ACOT7: variants seen among roughly 807,000 people sequenced by gnomAD.
ACOT7 encodes acyl-CoA thioesterase 7, also known as cytosolic acyl coenzyme A thioester hydrolase.
In ACOT7, 12 loss-of-function variants were observed where a neutral mutation model predicts 40.2. That is an observed-to-expected ratio of 0.30 (90% CI 0.19 to 0.48). The LOEUF is 0.48. Ranked by LOEUF, ACOT7 falls within the 20% of genes least tolerant of loss-of-function variation. The pLI is 0.99. For synonymous variants in ACOT7, 228 were observed against 219.5 expected (o/e 1.04, Z -0.34); for missense variants, 395 against 530.8 (o/e 0.74, Z 2.51).
At chr1:6,305,925 G>A (rs1420149667) in intron 6 of ACOT7, among the ~76,000 whole-genome samples, 12 of 152,148 alleles carry the variant, frequency 7.9e-5, no homozygotes, top group South Asian at 4.1e-4. Flanking sequence ...ACGAGACTCC[G>A]TCTGCAATCC....
At chr1:6,363,513 CCTGCACACCTGGCTCTGCCTTT>C (rs1474301361) in intron 1 of ACOT7, among the ~76,000 whole-genome samples, 1 of 152,156 alleles carries the variant, frequency 6.6e-6, no homozygotes, top group Admixed American at 6.5e-5. Context: ...CATGTTCCAT[CCTGCACACCTGGCTCTGCCTTT>C]TAGATAACAG....
chr1:6,292,991 GC>G (rs1639715821), intron 7 of ACOT7, among the ~76,000 whole-genome samples: 2 of 148,906 alleles, frequency 1.3e-5, no homozygotes, highest in East Asian at 4.0e-4. Flanking sequence ...CCAGGTTCAC[GC>G]CATTCTCCTA....
In ACOT7 at chr1:6,282,286, G is replaced by A. The variant is rs529508165; in HGVS notation, c.830-1000C>T. Among the ~76,000 whole-genome samples, 4 of 152,264 alleles carry A rather than the reference G, an allele frequency of 2.6e-5. No homozygotes were observed. The highest frequency in any genetic ancestry group is 2.1e-4 in the South Asian group (1 of 4,828). On this transcript the variant is annotated intron_variant, in intron 7 of 8. Coordinates refer to ENST00000361521, the MANE Select transcript of ACOT7 (RefSeq NM_007274.4). This position sits in a 1 kb window ranked among gnomAD's most constrained non-coding sequence, Gnocchi z 4.5. ...GACACCCTGCCTGGGGGATAGCTAC[G>A]GGATGGAAGGACTCAAGCCAAGAGC...
At chr1:6,324,611 A>AC (rs1381209254) in intron 5 of ACOT7, among the ~76,000 whole-genome samples, 1 of 151,716 alleles carries the variant, frequency 6.6e-6, no homozygotes, top group Admixed American at 6.6e-5. Context: ...TGCTGCCCAC[A>AC]CCCCCCGGGG....
At chr1:6,315,060 T>C (rs946447409) in intron 6 of ACOT7, among the ~76,000 whole-genome samples, 4 of 152,140 alleles carry the variant, frequency 2.6e-5, no homozygotes, top group Admixed American at 2.6e-4. Context: ...AGTGAGCTAG[T>C]GTCTGGTGGG....
intron 6 of ACOT7, among the ~76,000 whole-genome samples, chr1:6,305,189 C>T (rs1380991339): frequency 1.4e-5 from 2 of 148,056 alleles, no homozygotes; most frequent in East Asian, 4.1e-4. Flanking sequence ...GGCGGCTGGC[C>T]GGGCGGGGGG....
chr1:6,383,963 C>G (rs111977728), intron 1 of ACOT7, among the ~76,000 whole-genome samples: 2,991 of 151,890 alleles, frequency 0.02, 85 homozygotes, highest in African/African-American at 0.051. Context: ...CTCGGCCTCC[C>G]AAAGTGCTGG....
chr1:6,358,418 C>CCCCACT lies in ACOT7; in HGVS notation c.144-8553_144-8552insAGTGGG. Among the ~76,000 whole-genome samples the CCCCACT allele has an allele frequency of 6.6e-6, 1 of 152,190 alleles. No homozygotes were observed. Among genetic ancestry groups the CCCCACT allele is most frequent in the South Asian group, 2.1e-4 (1 of 4,832 alleles). On this transcript the variant is annotated intron_variant, in intron 1 of 8. Coordinates refer to ENST00000361521, the MANE Select transcript of ACOT7 (RefSeq NM_007274.4). This position sits in a 1 kb window ranked among gnomAD's most constrained non-coding sequence, Gnocchi z 4.1. ...GAGGCTCCTTGTGCAGCCCACAGAC[C>CCCCACT]CCCCCTCCACCGCAGGTAGGAAGCT...
intron 8 of ACOT7, among the ~76,000 whole-genome samples, chr1:6,271,449 A>C (rs2148366373): frequency 6.6e-6 from 1 of 152,320 alleles, no homozygotes; most frequent in South Asian, 2.1e-4. Flanking sequence ...CAATGAAAAC[A>C]TCTCATTATT....
chr1:6,354,672 A>T (rs1641690644), intron 1 of ACOT7, among the ~76,000 whole-genome samples: 1 of 102,466 alleles, frequency 9.8e-6, no homozygotes, highest in Non-Finnish European at 1.9e-5. Context: ...TGGCCGCTGC[A>T]CTGGCCTCTA....
chr1:6,339,009 G>C (rs1641186523), intron 3 of ACOT7, among the ~76,000 whole-genome samples: 1 of 152,188 alleles, frequency 6.6e-6, no homozygotes, highest in South Asian at 2.1e-4. Flanking sequence ...GCTCCCAGGA[G>C]CAAGCACTGT....
chr1:6,353,980 C>A (rs1323243273), intron 1 of ACOT7, among the ~76,000 whole-genome samples: 1 of 152,212 alleles, frequency 6.6e-6, no homozygotes, highest in South Asian at 2.1e-4. Context: ...GCCAGTGACC[C>A]GGGCTGACTG....
At chr1:6,366,042 G>A (rs548866023) in intron 1 of ACOT7, among the ~76,000 whole-genome samples, 26 of 151,850 alleles carry the variant, frequency 1.7e-4, no homozygotes, top group Middle Eastern at 3.4e-3. Flanking sequence ...TTACAGGCAC[G>A]CGTCACCACG....
chr1:6,270,216 G>A (rs555032885), intron 8 of ACOT7, among the ~76,000 whole-genome samples: 22 of 152,360 alleles, frequency 1.4e-4, no homozygotes, highest in Admixed American at 7.2e-4. Context: ...CCCACGGCCC[G>A]GCTGCTGCCT....
At chr1:6,322,096 G>A (rs967770464) in intron 5 of ACOT7, among the ~76,000 whole-genome samples, 4 of 152,224 alleles carry the variant, frequency 2.6e-5, no homozygotes, top group African/African-American at 4.8e-5. Flanking sequence ...CGAACTGGCT[G>A]CAATGCAGGA....
At chr1:6,303,181 G>A (rs1485675851) in intron 6 of ACOT7, among the ~76,000 whole-genome samples, 2 of 152,128 alleles carry the variant, frequency 1.3e-5, no homozygotes, top group Non-Finnish European at 2.9e-5. Context: ...CAGGCACAAC[G>A]GGTGCTGCCA....
chr1:6,266,013 C>T (rs549026921), intron 8 of ACOT7, among the ~76,000 whole-genome samples: 9 of 152,284 alleles, frequency 5.9e-5, no homozygotes, highest in African/African-American at 7.2e-5. Context: ...AAAACCTCGC[C>T]GGCCTGGAGC....
At chr1:6,368,842 T>C (rs1184063250) in intron 1 of ACOT7, among the ~76,000 whole-genome samples, 1 of 152,174 alleles carries the variant, frequency 6.6e-6, no homozygotes, top group Non-Finnish European at 1.5e-5. Context: ...CTCCCACAGC[T>C]GCTCCTGCCA....
At chr1:6,308,766 C>G (rs3789495) in intron 6 of ACOT7, among the ~76,000 whole-genome samples, 28,739 of 144,696 alleles carry the variant, frequency 0.2, 5,620 homozygotes, top group African/African-American at 0.53. Flanking sequence ...ACTGCAACCA[C>G]GTGAAGGGAA....
Sources: allele counts gnomAD v4.1 joint callset (sites outside exome capture counted in the v4.1 genomes callset), GRCh38; gene constraint gnomAD v4.1.1; non-coding constraint Gnocchi (gnomAD v3.1); transcripts MANE v1.5; gene names NCBI Gene and HGNC (gene_info 2026-07-23, HGNC 2026-07-21).